The following WWOX variants were observed in gnomAD, a reference collection of about 807,000 sequenced individuals.
WWOX encodes WW domain-containing oxidoreductase.
A neutral mutation model predicts 46.2 loss-of-function variants in WWOX; 69 were observed. The ratio of observed to expected loss-of-function variants is 1.49; its 90% CI spans 1.23 to 1.82. The LOEUF is 1.82. Among genes scored for constraint, WWOX ranks in the 40% most tolerant of loss-of-function variants. The pLI, the probability that WWOX is intolerant of heterozygous loss-of-function variation, is 0.00. For synonymous variants in WWOX, 359 were observed against 202.6 expected (o/e 1.77, Z -6.56); for missense variants, 919 against 542.6 (o/e 1.69, Z -6.89).
rs764726398 is a variant in WWOX at position 79,211,760 on chromosome 16, G to T, written c.1209G>T (p.Arg403Ser). Residue 403 changes from arginine (R) to serine (S), a missense_variant, in exon 9 of 9, where the codon AGG becomes AGT. Transcript: ENST00000566780. ...TARTLWALSE[R>S]LIQERLGSQS... ...GGACCCTGTGGGCGCTCAGCGAGAG[G>T]CTGATCCAAGAACGGCTTGGCAGCC... The T allele has an allele frequency of 4.3e-6, 7 of 1,614,156 alleles. No homozygotes were observed. The highest frequency in any genetic ancestry group is 5.9e-6 in the Non-Finnish European group (7 of 1,179,998).
intron 8 of WWOX, among the ~76,000 whole-genome samples, chr16:78,960,227 C>T (rs1478204411): frequency 6.6e-6 from 1 of 152,174 alleles, no homozygotes; most frequent in Non-Finnish European, 1.5e-5. Flanking sequence ...CAAAAATGAC[C>T]TTAATTTGGG....
At chr16:79,110,913 G>C (rs951098378) in intron 8 of WWOX, 3 of 152,182 alleles carry the variant, frequency 2.0e-5, no homozygotes, top group African/African-American at 7.2e-5. Context: ...TGAGAAATGA[G>C]ATATCGAGAC....
At chr16:78,744,870 G>T (rs141740735) in intron 8 of WWOX, among the ~76,000 whole-genome samples, 289 of 152,304 alleles carry the variant, frequency 1.9e-3, no homozygotes, top group Middle Eastern at 6.8e-3. Flanking sequence ...GGTAAGCAAA[G>T]AAGAGCAACA....
At chr16:78,757,643 T>A (rs1023122638) in intron 8 of WWOX, among the ~76,000 whole-genome samples, 15 of 152,036 alleles carry the variant, frequency 9.9e-5, no homozygotes, top group Non-Finnish European at 1.0e-4. Flanking sequence ...AATGAATACA[T>A]TTTATTTATT....
intron 8 of WWOX, among the ~76,000 whole-genome samples, chr16:78,915,695 A>C (rs977096144): frequency 8.8e-6 from 1 of 113,888 alleles, no homozygotes; most frequent in Non-Finnish European, 1.9e-5. Flanking sequence ...CTCCAAAGCC[A>C]TTTAAAAAAA....
At chr16:78,898,923 T>C (rs956588651) in intron 8 of WWOX, 4 of 152,186 alleles carry the variant, frequency 2.6e-5, no homozygotes, top group African/African-American at 9.6e-5. Context: ...TTGTTTCTAA[T>C]ATATAGAAAT....
intron 8 of WWOX, among the ~76,000 whole-genome samples, chr16:79,169,418 A>G (rs1286782492): frequency 1.3e-5 from 2 of 152,204 alleles, no homozygotes; most frequent in Non-Finnish European, 2.9e-5. Context: ...GGAGAAATGC[A>G]GTGCTTCCCT....
intron 8 of WWOX, among the ~76,000 whole-genome samples, chr16:79,136,531 G>C (rs1005639256): frequency 1.1e-4 from 16 of 152,236 alleles, no homozygotes; most frequent in South Asian, 6.2e-4. Flanking sequence ...GCCTGGCCCT[G>C]ATGTCACTTC....
intron 5 of WWOX, among the ~76,000 whole-genome samples, chr16:78,185,933 T>C (rs1351533341): frequency 6.6e-6 from 1 of 152,164 alleles, no homozygotes; most frequent in Non-Finnish European, 1.5e-5. Context: ...CCGAAAGCGT[T>C]GGGATTACAG....
intron 8 of WWOX, among the ~76,000 whole-genome samples, chr16:78,559,047 A>T (rs1293372894): frequency 1.3e-5 from 2 of 152,150 alleles, no homozygotes; most frequent in African/African-American, 4.8e-5. Flanking sequence ...TCTGGCCGCT[A>T]CGTGGAAGGA....
intron 8 of WWOX, among the ~76,000 whole-genome samples, chr16:78,918,468 G>A (rs946780798): frequency 6.6e-6 from 1 of 151,880 alleles, no homozygotes; most frequent in African/African-American, 2.4e-5. Context: ...GGTTGTTCTC[G>A]GTTTCAGGAC....
intron 8 of WWOX, among the ~76,000 whole-genome samples, chr16:79,184,667 C>T (rs944002639): frequency 3.9e-5 from 6 of 152,302 alleles, no homozygotes; most frequent in Non-Finnish European, 7.4e-5. Flanking sequence ...TCTCCCACCC[C>T]GTGGTGATTC....
At chr16:78,259,524 G>A (rs1172957831) in intron 5 of WWOX, among the ~76,000 whole-genome samples, 1 of 151,420 alleles carries the variant, frequency 6.6e-6, no homozygotes, top group Non-Finnish European at 1.5e-5. Context: ...CACCATGTTG[G>A]CCAGGCTGGT....
intron 8 of WWOX, among the ~76,000 whole-genome samples, chr16:79,092,079 C>A (rs1294872210): frequency 1.3e-5 from 2 of 152,088 alleles, no homozygotes; most frequent in Non-Finnish European, 2.9e-5. Context: ...CCGCACCGGG[C>A]CTCACGTTTT....
chr16:78,924,372 C>G (rs1256335526), intron 8 of WWOX, among the ~76,000 whole-genome samples: 1 of 152,130 alleles, frequency 6.6e-6, no homozygotes, highest in Non-Finnish European at 1.5e-5. Context: ...ATATCATCAT[C>G]AAAAATGGAA....
At chr16:78,287,330 C>G (rs2079785966) in intron 5 of WWOX, among the ~76,000 whole-genome samples, 1 of 152,100 alleles carries the variant, frequency 6.6e-6, no homozygotes, top group South Asian at 2.1e-4. Flanking sequence ...TTGAAATGAA[C>G]TAGCATCTCA....
intron 8 of WWOX, among the ~76,000 whole-genome samples, chr16:78,527,585 C>T (rs988177097): frequency 3.9e-5 from 6 of 152,156 alleles, no homozygotes; most frequent in Non-Finnish European, 5.9e-5. Flanking sequence ...TGAGCCATCG[C>T]GCCCAGCCAG....
chr16:78,754,692 G>T (rs1218172140), intron 8 of WWOX, among the ~76,000 whole-genome samples: 1 of 152,102 alleles, frequency 6.6e-6, no homozygotes. Context: ...CATGGCTTTG[G>T]TTATGCAGTG....
At chr16:78,135,056 A>T (rs192659032) in intron 4 of WWOX, among the ~76,000 whole-genome samples, 233 of 152,348 alleles carry the variant, frequency 1.5e-3, no homozygotes, top group Non-Finnish European at 2.0e-3. Context: ...ATAACAATGC[A>T]GTCCCTGCAA....
Sources: allele counts gnomAD v4.1 joint callset (sites outside exome capture counted in the v4.1 genomes callset), GRCh38; gene constraint gnomAD v4.1.1; transcripts MANE v1.5; gene names NCBI Gene and HGNC (gene_info 2026-07-23, HGNC 2026-07-21).